CNTN5: variants seen among roughly 807,000 people sequenced by gnomAD.
CNTN5 encodes the protein contactin 5, also known as contactin-5.
Under a neutral mutation model 129.1 loss-of-function variants are expected in CNTN5, and 77 were observed. The observed-to-expected ratio is 0.60, with a 90% confidence interval of 0.50 to 0.72. The LOEUF is 0.72. Ranked by LOEUF, CNTN5 falls within the 30% of genes least tolerant of loss-of-function variation. CNTN5 has a pLI of 0.00. For synonymous variants in CNTN5, 509 were observed against 465.6 expected, an observed-to-expected ratio of 1.09 and a Z score of -1.20; for missense variants, 1,478 against 1,328.8, an observed-to-expected ratio of 1.11 and a Z score of -1.75.
At chr11:99,682,872 T>C (rs554312897) in intron 3 of CNTN5, among the ~76,000 whole-genome samples, 1 of 152,066 alleles carries the variant, frequency 6.6e-6, no homozygotes, top group Admixed American at 6.5e-5. Flanking sequence ...TAGCCACAGT[T>C]CATAAGTTAC....
chr11:99,841,802 TG>T (rs140039975), intron 4 of CNTN5, among the ~76,000 whole-genome samples: 85,646 of 119,484 alleles, frequency 0.72, 26,493 homozygotes, highest in Middle Eastern at 0.83. Flanking sequence ...TATATATATG[TG>T]GTGTGTGTGT....
intron 13 of CNTN5, among the ~76,000 whole-genome samples, chr11:100,084,567 C>G (rs72998830): frequency 6.6e-6 from 1 of 151,738 alleles, no homozygotes; most frequent in Admixed American, 6.6e-5. Flanking sequence ...ACCTTGACTA[C>G]AAATGGAAAG....
chr11:99,144,773 A>T (rs980949493), intron 1 of CNTN5, among the ~76,000 whole-genome samples: 9 of 151,862 alleles, frequency 5.9e-5, no homozygotes, highest in African/African-American at 1.5e-4. Flanking sequence ...TTTTTTAATG[A>T]TATCTCTTTG....
At chr11:100,139,118 G>A (rs754697070) in intron 13 of CNTN5, among the ~76,000 whole-genome samples, 1 of 152,086 alleles carries the variant, frequency 6.6e-6, no homozygotes, top group Non-Finnish European at 1.5e-5. Flanking sequence ...AAGAATTTAA[G>A]TGAGAACCTA....
At chr11:99,981,201 A>G (rs890729473) in intron 8 of CNTN5, among the ~76,000 whole-genome samples, 2 of 151,378 alleles carry the variant, frequency 1.3e-5, no homozygotes, top group Non-Finnish European at 2.9e-5. Context: ...TCTGCAAGCT[A>G]AAGACCCTGG....
chr11:100,242,487 A>T (rs1949762055), intron 16 of CNTN5, among the ~76,000 whole-genome samples: 1 of 152,204 alleles, frequency 6.6e-6, no homozygotes, highest in Non-Finnish European at 1.5e-5. Context: ...CAGGCTGTAC[A>T]GGAAGTATGG....
At position 99,738,198 on chromosome 11, in the gene CNTN5, G is replaced by C. The variant is rs186014186; in HGVS notation, c.56-81346G>C. Among the ~76,000 whole-genome samples the C allele has an allele frequency of 5.4e-4, 82 of 152,212 alleles. 1 individual carries two copies. Among genetic ancestry groups the C allele is most frequent in the African/African-American group, 1.9e-3 (80 of 41,544 alleles). On this transcript the variant is annotated intron_variant, in intron 3 of 24. Transcript: ENST00000524871. The stretch of plus-strand genomic sequence containing the variant: ...TGAGTTTGGAGATAGAGCCTTTAAA[G>C]TGATGATTAAGATGAGGTCATTAGG...
At chr11:99,466,694 G>C (rs1272120949) in intron 2 of CNTN5, among the ~76,000 whole-genome samples, 1 of 152,074 alleles carries the variant, frequency 6.6e-6, no homozygotes, top group East Asian at 1.9e-4. Context: ...GGACTTTAGG[G>C]CTCTGTTCCA....
chr11:100,068,905 A>G (rs2137852923), intron 10 of CNTN5, among the ~76,000 whole-genome samples: 1 of 152,300 alleles, frequency 6.6e-6, no homozygotes, highest in African/African-American at 2.4e-5. Flanking sequence ...CCTTGGGTAA[A>G]TTTCTTTAAC....
At chr11:99,984,073 G>GC (rs1200541668) in intron 8 of CNTN5, among the ~76,000 whole-genome samples, 1 of 152,094 alleles carries the variant, frequency 6.6e-6, no homozygotes, top group African/African-American at 2.4e-5. Flanking sequence ...TTTGAGACCA[G>GC]CCCGGCCAAC....
intron 13 of CNTN5, among the ~76,000 whole-genome samples, chr11:100,142,511 T>A (rs2138262567): frequency 6.6e-6 from 1 of 152,246 alleles, no homozygotes; most frequent in African/African-American, 2.4e-5. Context: ...AATAGAAAAT[T>A]TCGCACTTGA....
chr11:99,157,901 T>A (rs946827861), intron 1 of CNTN5, among the ~76,000 whole-genome samples: 1 of 152,142 alleles, frequency 6.6e-6, no homozygotes, highest in Non-Finnish European at 1.5e-5. Flanking sequence ...ATGCTGAAAC[T>A]GAGGTTTGTA....
intron 21 of CNTN5, among the ~76,000 whole-genome samples, chr11:100,318,942 A>C (rs1951624263): frequency 1.3e-5 from 2 of 152,336 alleles, no homozygotes; most frequent in African/African-American, 2.4e-5. Flanking sequence ...TTTTTTCTTT[A>C]AATCTGCATA....
chr11:99,334,671 G>A (rs1189037741), intron 2 of CNTN5, among the ~76,000 whole-genome samples: 1 of 151,972 alleles, frequency 6.6e-6, no homozygotes, highest in Non-Finnish European at 1.5e-5. Context: ...AATGGGGCTA[G>A]TTTGAATTAA....
At chr11:99,254,354 A>T (rs1397198590) in intron 1 of CNTN5, among the ~76,000 whole-genome samples, 1 of 151,984 alleles carries the variant, frequency 6.6e-6, no homozygotes, top group East Asian at 1.9e-4. Context: ...AATTCTGTGA[A>T]CTTAAATATT....
chr11:99,930,687 T>G, intron 7 of CNTN5, among the ~76,000 whole-genome samples: 1 of 152,126 alleles, frequency 6.6e-6, no homozygotes. Context: ...AAACAAGAGA[T>G]TTCATCAATT....
chr11:100,306,290 C>T (rs938369721), intron 20 of CNTN5, among the ~76,000 whole-genome samples: 1 of 151,532 alleles, frequency 6.6e-6, no homozygotes, highest in Non-Finnish European at 1.5e-5. Context: ...TTTTTTTAAA[C>T]TTTCTATTTG....
chr11:99,426,935 TATA>T (rs1943145740), intron 2 of CNTN5, among the ~76,000 whole-genome samples: 1 of 152,190 alleles, frequency 6.6e-6, no homozygotes, highest in Admixed American at 6.5e-5. Flanking sequence ...ATTACATGGA[TATA>T]ATAATCTTGT....
intron 8 of CNTN5, among the ~76,000 whole-genome samples, chr11:99,999,368 A>G (rs1033365616): frequency 6.6e-6 from 1 of 152,230 alleles, no homozygotes; most frequent in African/African-American, 2.4e-5. Flanking sequence ...ACACTTCTCA[A>G]AAGAAGACAT....
Sources: gnomAD v4.1 joint callset for allele counts (sites outside exome capture counted in the v4.1 genomes callset) on GRCh38, gnomAD v4.1.1 for gene constraint, MANE v1.5 for transcripts, NCBI Gene and HGNC (gene_info 2026-07-23, HGNC 2026-07-21) for gene names.